Variants in CATSPERE observed in about 807,000 individuals in gnomAD.
The protein encoded by CATSPERE is cation channel sperm-associated auxiliary subunit epsilon.
Under a neutral mutation model 114.1 loss-of-function variants are expected in CATSPERE, and 93 were observed. The ratio of observed to expected loss-of-function variants is 0.81; its 90% CI spans 0.69 to 0.97. The LOEUF is 0.97. Among genes scored for constraint, CATSPERE ranks in the 50% least tolerant of loss-of-function variants. The pLI, the probability that CATSPERE is intolerant of heterozygous loss-of-function variation, is 0.00. For missense variants in CATSPERE, 1,058 were observed against 1,131.6 expected, an observed-to-expected ratio of 0.93 and a Z score of 0.93; for synonymous variants, 341 against 384.1, an observed-to-expected ratio of 0.89 and a Z score of 1.31.
chr1:244,572,430 CACA>C lies in CATSPERE; in HGVS notation c.1613_1615del (p.Thr538del), dbSNP rs1664604420. 3.7e-6 allele frequency: 6 copies of C among 1,608,284 alleles called. No individual in the cohort carries two copies. Among genetic ancestry groups the C allele is most frequent in the African/African-American group, 1.3e-5 (1 of 74,824 alleles). On this transcript the variant is annotated inframe_deletion, in exon 11 of 22. Transcript: ENST00000366534. ...TAAAGCTGCATTTATGGACAAATTA[CACA>C]ACAAGAGCATTCATTTTCTTAAGTA... is the stretch of plus-strand genomic sequence containing the variant.
chr1:244,515,121 C>T, intron 7 of CATSPERE, among the ~76,000 whole-genome samples: 1 of 152,204 alleles, frequency 6.6e-6, no homozygotes, highest in Non-Finnish European at 1.5e-5. Context: ...CAATGCTTAG[C>T]ATGATGTAGC....
chr1:244,528,791 A>ACG (rs202128609), intron 8 of CATSPERE, among the ~76,000 whole-genome samples: 6,685 of 147,350 alleles, frequency 0.045, 180 homozygotes, highest in Non-Finnish European at 0.063. Context: ...CCCACCACAC[A>ACG]CACACACACA....
intron 15 of CATSPERE, among the ~76,000 whole-genome samples, chr1:244,592,886 G>C (rs532193379): frequency 7.6e-4 from 115 of 152,304 alleles, no homozygotes; most frequent in African/African-American, 2.7e-3. Context: ...CAAGTGTGAG[G>C]ACTGAGAAGA....
At chr1:244,617,827 G>A in intron 20 of CATSPERE, 141 bp downstream of exon 20, 1 of 693,802 alleles carries the variant, frequency 1.4e-6, no homozygotes, top group Non-Finnish European at 2.2e-6. Flanking sequence ...GCAATCACAT[G>A]AAACATTCTA....
In CATSPERE at chr1:244,572,578, A is replaced by C; in HGVS notation, c.1756A>C (p.Met586Leu). ...AFTTKDKCPY[M>L]AFHNNVAHVF... ...CACAACAAAAGACAAATGCCCATAC[A>C]TGGCATTTCATAACAATGTTGCTCA... Residue 586 changes from methionine to leucine, a missense_variant, in exon 11 of 22, where the codon ATG becomes CTG. Transcript: ENST00000366534. The C allele has an allele frequency of 6.2e-7, 1 of 1,614,030 alleles. No homozygotes were observed. The highest frequency in any genetic ancestry group is 8.5e-7 in the Non-Finnish European group (1 of 1,179,914).
intron 5 of CATSPERE, among the ~76,000 whole-genome samples, chr1:244,489,822 A>G (rs1157010549): frequency 6.6e-6 from 1 of 152,114 alleles, no homozygotes; most frequent in Non-Finnish European, 1.5e-5. Context: ...TCTCAAGCAA[A>G]CACGTAGTTA....
chr1:244,635,675 T>C, intron 21 of CATSPERE, 133 bp downstream of exon 21: 2 of 622,556 alleles, frequency 3.2e-6, no homozygotes, highest in South Asian at 4.1e-5. Context: ...GCCCCCAGCT[T>C]AAATCTTATT....
At chr1:244,511,852 C>G (rs1035520707) in intron 7 of CATSPERE, among the ~76,000 whole-genome samples, 2 of 152,160 alleles carry the variant, frequency 1.3e-5, no homozygotes, top group Admixed American at 6.5e-5. Context: ...AGAACTTTGA[C>G]TGTATCATCT....
Position 244,635,551 on chromosome 1 carries a change from C to T in CATSPERE, c.2702+9C>T. On this transcript the variant is annotated intron_variant, in intron 21 of 21. Coordinates refer to ENST00000366534, the MANE Select transcript of CATSPERE (RefSeq NM_001130957.2). The stretch of plus-strand genomic sequence containing the variant: ...TTTGGACTGATTCCCAGGTAAGGAG[C>T]AGGGCCTAACTGGACTTTAATTAGG... 1 of 1,605,210 alleles carries T rather than the reference C, an allele frequency of 6.2e-7. No homozygotes were observed. Among genetic ancestry groups the T allele is most frequent in the Non-Finnish European group, 8.5e-7 (1 of 1,172,574 alleles).
At chr1:244,538,025 G>A (rs1449208075) in intron 8 of CATSPERE, among the ~76,000 whole-genome samples, 1 of 152,158 alleles carries the variant, frequency 6.6e-6, no homozygotes, top group African/African-American at 2.4e-5. Context: ...AAAACTAGTT[G>A]TAAAAATGCA....
chr1:244,613,368 G>A (rs1228472311), intron 19 of CATSPERE, among the ~76,000 whole-genome samples: 1 of 152,082 alleles, frequency 6.6e-6, no homozygotes, highest in Non-Finnish European at 1.5e-5. Flanking sequence ...GACCACAATG[G>A]CAAAAAGGTA....
chr1:244,459,666 A>G (rs1307924988), upstream of CATSPERE, among the ~76,000 whole-genome samples: 5 of 152,252 alleles, frequency 3.3e-5, no homozygotes, highest in Non-Finnish European at 7.3e-5. Flanking sequence ...TAGACTACAC[A>G]CTAAATTATT....
In CATSPERE at chr1:244,617,518, T is replaced by C; in HGVS notation, c.2491-11T>C. The C allele has an allele frequency of 6.7e-7, 1 of 1,482,764 alleles. No individual in the cohort carries two copies. Among genetic ancestry groups the C allele is most frequent in the Non-Finnish European group, 8.9e-7 (1 of 1,122,378 alleles). 91.9% of individuals were successfully genotyped at this position (1,482,764 alleles called of 1,614,324 possible). On this transcript the variant is annotated splice_polypyrimidine_tract_variant and intron_variant, in intron 19 of 21. Coordinates refer to ENST00000366534, the MANE Select transcript of CATSPERE (RefSeq NM_001130957.2). ...ATGACCTTAAAATTTTTGTCTTTGT[T>C]TCTTGTTCAGAACTATAAACACTGT... is the stretch of plus-strand genomic sequence containing the variant.
At chr1:244,491,930 T>G (rs1226700351) in intron 6 of CATSPERE, among the ~76,000 whole-genome samples, 4 of 152,240 alleles carry the variant, frequency 2.6e-5, no homozygotes, top group African/African-American at 4.8e-5. Context: ...AATAACAGGC[T>G]CTGAAATTGT....
chr1:244,505,198 C>G (rs146421447), intron 7 of CATSPERE, among the ~76,000 whole-genome samples: 1 of 152,136 alleles, frequency 6.6e-6, no homozygotes, highest in Non-Finnish European at 1.5e-5. Context: ...CTTACTGGCA[C>G]TATAAGATGC....
chr1:244,578,356 T>A (rs1488103810), intron 11 of CATSPERE, among the ~76,000 whole-genome samples: 1 of 152,098 alleles, frequency 6.6e-6, no homozygotes, highest in Non-Finnish European at 1.5e-5. Context: ...TTTCACGCTG[T>A]TGGCCAGGCT....
chr1:244,638,859 G>A (rs1558637929), intron 21 of CATSPERE, among the ~76,000 whole-genome samples: 1 of 151,764 alleles, frequency 6.6e-6, no homozygotes, highest in Non-Finnish European at 1.5e-5. Flanking sequence ...CCATGTCTTC[G>A]GCCATTAATT....
intron 13 of CATSPERE, among the ~76,000 whole-genome samples, chr1:244,584,193 G>C (rs1183915963): frequency 1.3e-5 from 2 of 152,094 alleles, no homozygotes. Flanking sequence ...AAAGTTTATT[G>C]TATGCCTACT....
chr1:244,512,911 T>C (rs1213296594), intron 7 of CATSPERE, among the ~76,000 whole-genome samples: 4 of 152,310 alleles, frequency 2.6e-5, no homozygotes, highest in Non-Finnish European at 5.9e-5. Flanking sequence ...AAGGCTATGG[T>C]GGGGCTTTGT....
Sources: allele counts gnomAD v4.1 joint callset (sites outside exome capture counted in the v4.1 genomes callset), GRCh38; gene constraint gnomAD v4.1.1; transcripts MANE v1.5; gene names NCBI Gene and HGNC (gene_info 2026-07-23, HGNC 2026-07-21).